The following FBXL19 variants were observed in gnomAD, a reference collection of about 807,000 sequenced individuals.
The protein encoded by FBXL19 is F-box and leucine rich repeat protein 19.
Under a neutral mutation model 71.2 loss-of-function variants are expected in FBXL19, and 16 were observed. That is an observed-to-expected ratio of 0.22 (90% CI 0.15 to 0.34). FBXL19 has a LOEUF of 0.34. FBXL19 is among the 10% of genes least tolerant of loss of function. The probability of loss-of-function intolerance (pLI) is 1.00; values close to 1 mark genes in which losing one functional copy is unlikely to be tolerated. For synonymous variants in FBXL19, 447 were observed against 409.4 expected, an observed-to-expected ratio of 1.09 and a Z score of -1.11; for missense variants, 658 against 968.2, an observed-to-expected ratio of 0.68 and a Z score of 4.25.
In FBXL19 at chr16:30,930,547, T is replaced by G; in HGVS notation, c.1264T>G (p.Cys422Gly). The G allele has an allele frequency of 6.7e-7, 1 of 1,487,330 alleles. No homozygotes were observed. Among genetic ancestry groups the G allele is most frequent in the Non-Finnish European group, 8.9e-7 (1 of 1,126,938 alleles). The allele number at this position is 1,487,330 out of a possible 1,614,324, so 92.1% of individuals were successfully genotyped here. ...CCAGCACCTCGGGCCGCGGGAGCTGTGTATCTGCATGCGAGTCTGCCGAAC... is the reference window on the plus strand; with the variant it reads ...CCAGCACCTCGGGCCGCGGGAGCTGGGTATCTGCATGCGAGTCTGCCGAAC... ...VFQHLGPREL[C>G]ICMRVCRTWS... is the part of the protein sequence containing the mutation. Residue 422 changes from cysteine (C) to glycine (G), a missense_variant, in exon 7 of 11, where the codon TGT becomes GGT. By Grantham distance (159) the Cys-to-Gly change is radical. This residue lies in a region of FBXL19 where 447 missense variants were observed against 515.4 expected (regional missense o/e 0.87). Transcript: ENST00000338343. The surrounding 1 kb of genome is among the most constrained non-coding windows in gnomAD (Gnocchi z 8.5).
In FBXL19 at chr16:30,930,767, C is replaced by T. The variant is rs2055664123; in HGVS notation, c.1301+183C>T. Among the ~76,000 whole-genome samples the T allele has an allele frequency of 1.3e-5, 2 of 152,204 alleles. No homozygotes were observed. The highest frequency in any genetic ancestry group is 4.8e-5 in the African/African-American group (2 of 41,444). Reference sequence around the variant, plus strand: ...GTGCAGGCTACTTTCCACTTATGGGCTCATTTAACCCCCTAGACAACTTTG... The same window carrying T: ...GTGCAGGCTACTTTCCACTTATGGGTTCATTTAACCCCCTAGACAACTTTG... On this transcript the variant is annotated intron_variant, in intron 7 of 10. Transcript: ENST00000338343. The surrounding 1 kb of genome is among the most constrained non-coding windows in gnomAD (Gnocchi z 8.5).
chr16:30,927,867 C>T lies in FBXL19; in HGVS notation c.531C>T (p.Gly177=), dbSNP rs201252774. 8.0e-3 allele frequency: 12,261 copies of T among 1,528,946 alleles called. 67 individuals carry two copies. The highest frequency in any genetic ancestry group is 9.7e-3 in the Non-Finnish European group (11,082 of 1,139,228). 94.7% of individuals were successfully genotyped at this position (1,528,946 alleles called of 1,614,324 possible). A position where few individuals can be genotyped will look rare whatever the true frequency, so the allele number is the denominator to read the frequency against. Residue 177 remains glycine (G), a synonymous_variant, in exon 5 of 11, where the codon GGC becomes GGT. Coordinates refer to ENST00000338343, the MANE Select transcript of FBXL19 (RefSeq NM_001382779.1). ...CACCGCCCCCGCCCAGGCGCAAGGGCCCCCTGCCTGCCGGGCCCCCCCCGG... is the reference window on the plus strand; with the variant it reads ...CACCGCCCCCGCCCAGGCGCAAGGGTCCCCTGCCTGCCGGGCCCCCCCCGG... ...PLPPPPPRRK[G]PLPAGPPPED...
chr16:30,933,103 C>T (rs992117666), intron 7 of FBXL19, among the ~76,000 whole-genome samples: 7 of 151,826 alleles, frequency 4.6e-5, no homozygotes, highest in South Asian at 2.1e-4. Context: ...CAGGTTCAAG[C>T]GATTCTCCTG....
rs1450713270 is a variant in FBXL19 at position 30,930,358 on chromosome 16, G to T, written c.1075G>T (p.Gly359Trp). The T allele has an allele frequency of 6.4e-7, 1 of 1,573,016 alleles. No individual in the cohort carries two copies. The highest frequency in any genetic ancestry group is 1.1e-5 in the South Asian group (1 of 87,790). ...GCGGGCTGTGCGCCCTGGCAGTGGG[G>T]GGCCCCTACTCAGCTGGCCCCTGGG... ...GRRAVRPGSGGPLLSWPLGPA... is the reference protein window; with the variant it reads ...GRRAVRPGSGWPLLSWPLGPA... Residue 359 changes from glycine (G) to tryptophan (W), a missense_variant, in exon 7 of 11, where the codon GGG (glycine) becomes TGG (tryptophan). Around this residue, in one of 8 missense-constraint regions of FBXL19, gnomAD observed 447 missense variants for 515.4 expected, o/e 0.87. Transcript: ENST00000338343. The surrounding 1 kb of genome is among the most constrained non-coding windows in gnomAD (Gnocchi z 8.5).
upstream of FBXL19, chr16:30,923,014 G>GT (rs1470915465): frequency 2.2e-6 from 1 of 456,684 alleles, no homozygotes; most frequent in Admixed American, 2.3e-5. Flanking sequence ...ATCGCACCTC[G>GT]TAAGATCGAC....
At chr16:30,945,507 C>CA (rs1450191928) in intron 9 of FBXL19, among the ~76,000 whole-genome samples, 1 of 151,518 alleles carries the variant, frequency 6.6e-6, no homozygotes, top group African/African-American at 2.4e-5. Flanking sequence ...TAAAAAAATA[C>CA]AAAAAATTAG....
chr16:30,929,934 TCTCACTGTC>T, intron 6 of FBXL19, 130 bp from the exon 7 acceptor site: 1 of 1,128,990 alleles, frequency 8.9e-7, no homozygotes, highest in South Asian at 1.7e-5. Flanking sequence ...TAGCAAGGTC[TCTCACTGTC>T]CGGAGCAGAG....
intron 7 of FBXL19, among the ~76,000 whole-genome samples, chr16:30,936,828 T>C (rs1596654447): frequency 6.7e-6 from 1 of 149,356 alleles, no homozygotes; most frequent in South Asian, 2.1e-4. Context: ...CTGCAACCTC[T>C]GCCTCCTGGG....
In FBXL19 at chr16:30,927,539, G is replaced by T. The variant is rs1235097324; in HGVS notation, c.322-34G>T. On this transcript the variant is annotated intron_variant, in intron 3 of 10. Transcript: ENST00000338343. Reference sequence around the variant, plus strand: ...GATCACCCTGGCTCTGGGCTTCCTGGCCAACCCCCCACTCACTGCCCTCCT... The same window carrying T: ...GATCACCCTGGCTCTGGGCTTCCTGTCCAACCCCCCACTCACTGCCCTCCT... The T allele has an allele frequency of 1.9e-6, 3 of 1,554,754 alleles. No individual in the cohort carries two copies. In the African/African-American group the frequency reaches 4.1e-5, roughly 21 times the overall value.
chr16:30,945,262 T>C (rs1422065893), intron 9 of FBXL19, among the ~76,000 whole-genome samples: 2 of 152,166 alleles, frequency 1.3e-5, no homozygotes, highest in African/African-American at 4.8e-5. Context: ...GTTTCCTGGC[T>C]GTAAACAGGA....
intron 1 of FBXL19, chr16:30,924,666 C>G: frequency 7.0e-7 from 1 of 1,420,972 alleles, no homozygotes; most frequent in Admixed American, 3.7e-5. Flanking sequence ...AAGCCCCCAC[C>G]CCCGCCTGCA....
At chr16:30,933,685 A>G (rs2143342763) in intron 7 of FBXL19, among the ~76,000 whole-genome samples, 1 of 151,420 alleles carries the variant, frequency 6.6e-6, no homozygotes, top group East Asian at 2.0e-4. Flanking sequence ...TTCTGGCCTC[A>G]AGTGATCCTT....
rs1353985007 is a variant in FBXL19 at position 30,923,587 on chromosome 16, A to C, written c.-897A>C. Among the ~76,000 whole-genome samples the C allele has an allele frequency of 1.4e-5, 2 of 146,252 alleles. No individual in the cohort carries two copies. Among genetic ancestry groups the C allele is most frequent in the Non-Finnish European group, 3.0e-5 (2 of 66,162 alleles). ...GGGAGGGGGGAAGAGAGGAGGAAGG[A>C]GGAAGGAGCTGAGGAGGGATGAGAG... On this transcript the variant is annotated 5_prime_UTR_variant, in exon 1 of 11. Transcript: ENST00000338343.
Position 30,930,097 on chromosome 16 carries a change from G to T in FBXL19, c.814G>T (p.Ala272Ser), listed in dbSNP as rs1415241535. The change falls in exon 7 of 11, where the codon GCA becomes TCA. Residue 272 changes from alanine to serine, a missense_variant. Ala to Ser is a moderately conservative substitution (Grantham distance 99). Transcript: ENST00000338343. This position sits in a 1 kb window ranked among gnomAD's most constrained non-coding sequence, Gnocchi z 8.5. ...GAAACCAAAGCCGCCTTTGGCCTCT[G>T]CAGAGGGCCCAGCGGTGCCGTCCCC... ...WEKPKPPLAS[A>S]EGPAVPSPSP... 23 of 1,613,316 alleles carry T rather than the reference G, an allele frequency of 1.4e-5. No homozygotes were observed. The highest frequency in any genetic ancestry group is 1.8e-5 in the Non-Finnish European group (21 of 1,179,648).
Position 30,946,007 on chromosome 16 carries a change from C to T in FBXL19, c.1628-723C>T, listed in dbSNP as rs551327327. 2.6e-4 allele frequency among the ~76,000 whole-genome samples: 39 copies of T among 152,004 alleles called. No homozygotes were observed. The highest frequency in any genetic ancestry group is 2.2e-3 in the Admixed American group (34 of 15,244). On this transcript the variant is annotated intron_variant, in intron 9 of 10. Coordinates refer to ENST00000338343, the MANE Select transcript of FBXL19 (RefSeq NM_001382779.1). This position sits in a 1 kb window ranked among gnomAD's most constrained non-coding sequence, Gnocchi z 6.7. Reference sequence around the variant, plus strand: ...TTGCATTGCTATAAAGAAATACCTTCGGCTGGGTAATTTATAAAGAAAAGA... The same window carrying T: ...TTGCATTGCTATAAAGAAATACCTTTGGCTGGGTAATTTATAAAGAAAAGA...
intron 7 of FBXL19, among the ~76,000 whole-genome samples, chr16:30,939,341 G>T (rs2143369628): frequency 6.6e-6 from 1 of 151,826 alleles, no homozygotes; most frequent in South Asian, 2.1e-4. Context: ...AAAGTGCTGG[G>T]ATTACACCAC....
At chr16:30,937,607 GAGCTGT>G (rs2055753374) in intron 7 of FBXL19, among the ~76,000 whole-genome samples, 1 of 152,142 alleles carries the variant, frequency 6.6e-6, no homozygotes, top group South Asian at 2.1e-4. Flanking sequence ...GGGGACTGAT[GAGCTGT>G]AGCCAAGGAA....
At chr16:30,940,077 A>G (rs2055784495) in intron 7 of FBXL19, among the ~76,000 whole-genome samples, 1 of 151,910 alleles carries the variant, frequency 6.6e-6, no homozygotes. Context: ...GCCAACATGG[A>G]GAAACCCTAT....
At chr16:30,932,102 A>G (rs1179373873) in intron 7 of FBXL19, among the ~76,000 whole-genome samples, 1 of 152,146 alleles carries the variant, frequency 6.6e-6, no homozygotes, top group African/African-American at 2.4e-5. Context: ...CGGTTTCTTC[A>G]TCTGAAAAAC....
Sources: gnomAD v4.1 joint callset for allele counts (sites outside exome capture counted in the v4.1 genomes callset) on GRCh38, gnomAD v4.1.1 for gene constraint, gnomAD v4.1.1 regional missense constraint, Gnocchi (gnomAD v3.1) non-coding constraint, MANE v1.5 for transcripts, NCBI Gene and HGNC (gene_info 2026-07-23, HGNC 2026-07-21) for gene names.